The following ZNF318 variants were observed in gnomAD, a reference collection of about 807,000 sequenced individuals.
ZNF318 encodes zinc finger protein 318, also known as endocrine regulator.
In ZNF318, 51 loss-of-function variants were observed where a neutral mutation model predicts 124.2. That is an observed-to-expected ratio of 0.41 (90% CI 0.33 to 0.52). The LOEUF (loss-of-function observed/expected upper bound fraction) is 0.52. ZNF318 is among the 20% of genes least tolerant of loss of function. The pLI, the probability that ZNF318 is intolerant of heterozygous loss-of-function variation, is 0.23. For missense variants in ZNF318, 2,815 were observed against 2,811.2 expected (o/e 1.00, Z -0.03); for synonymous variants, 1,090 against 1,040.7 (o/e 1.05, Z -0.91).
chr6:43,368,969 G>T lies in ZNF318; in HGVS notation c.397C>A (p.Arg133=), dbSNP rs1779797345. The T allele has an allele frequency of 7.1e-7, 1 of 1,415,622 alleles. No homozygotes were observed. The highest frequency in any genetic ancestry group is 1.5e-5 in the African/African-American group (1 of 67,512). 87.7% of individuals were successfully genotyped at this position (1,415,622 alleles called of 1,614,324 possible). The change falls in exon 1 of 10, where the codon CGG becomes AGG. Residue 133 remains arginine (R), a splice_region_variant and synonymous_variant. Transcript: ENST00000361428. ...TCCTGGACGAGGGGTGGGATTACCC[G>T]GCTGCCGCTGTCGCCTGGATGGTCT... ...RGDHPGDSGS[R]RRSPGLCSDS...
Position 43,355,237 on chromosome 6 carries a change from A to C in ZNF318, c.2097T>G (p.Pro699=). 1 of 1,614,190 alleles carries C rather than the reference A, an allele frequency of 6.2e-7. No homozygotes were observed. Among genetic ancestry groups the C allele is most frequent in the Non-Finnish European group, 8.5e-7 (1 of 1,180,020 alleles). ...PEVSHPHPPS[P]VDPYLLTKNS... is the part of the protein sequence containing the mutation. ...TTTTTGTGAGCAGGTAAGGATCCACAGGAGAAGGTGGGTGTGGATGGGACA... is the reference window on the plus strand; with the variant it reads ...TTTTTGTGAGCAGGTAAGGATCCACCGGAGAAGGTGGGTGTGGATGGGACA... The change falls in exon 4 of 10, where the codon CCT becomes CCG. Residue 699 remains proline, a synonymous_variant. Coordinates refer to ENST00000361428, the MANE Select transcript of ZNF318 (RefSeq NM_014345.3).
chr6:43,338,494 G>C lies in ZNF318; in HGVS notation c.5504C>G (p.Ala1835Gly), dbSNP rs762433950. 2 of 1,614,036 alleles carry C rather than the reference G, an allele frequency of 1.2e-6. No individual in the cohort carries two copies. Among genetic ancestry groups the C allele is most frequent in the Non-Finnish European group, 1.7e-6 (2 of 1,180,038 alleles). ...QPNLLMIDKE[A>G]EQSNKLMTGS... ...TGTCATCAATTTATTGGACTGTTCA[G>C]CCTCTTTGTCAATCATTAGCAAGTT... is the stretch of plus-strand genomic sequence containing the variant. Residue 1835 changes from alanine (A) to glycine (G), a missense_variant, in exon 10 of 10, where the codon GCT (alanine) becomes GGT (glycine). By Grantham distance (60) the Ala-to-Gly change is moderately conservative (BLOSUM62 0). Around this residue, in one of 4 missense-constraint regions of ZNF318, gnomAD observed 927 missense variants for 820.6 expected, o/e 1.13. Coordinates refer to ENST00000361428, the MANE Select transcript of ZNF318 (RefSeq NM_014345.3).
Position 43,357,338 on chromosome 6 carries a change from C to T in ZNF318, c.976G>A (p.Glu326Lys). 1.2e-6 allele frequency: 2 copies of T among 1,614,216 alleles called. No homozygotes were observed. Among genetic ancestry groups the T allele is most frequent in the Non-Finnish European group, 1.7e-6 (2 of 1,180,036 alleles). The stretch of plus-strand genomic sequence containing the variant: ...CTCCTACTTCGCTCCTCCTCTTCCT[C>T]TCGCTTTCGTCTGGCAAGATCCAGT... The part of the protein sequence containing the change: ...RELDLARRKR[E>K]EEEERSRSLS... Residue 326 changes from glutamate (E) to lysine (K), a missense_variant, in exon 3 of 10, where the codon GAG becomes AAG. Coordinates refer to ENST00000361428, the MANE Select transcript of ZNF318 (RefSeq NM_014345.3).
chr6:43,365,518 C>T, intron 1 of ZNF318, 78 bp from the exon 2 acceptor site: 1 of 1,476,428 alleles, frequency 6.8e-7, no homozygotes, highest in South Asian at 1.2e-5. Context: ...TCCCTAGTTA[C>T]AAAGTTAGCC....
chr6:43,365,324 C>A lies in ZNF318; in HGVS notation c.516G>T (p.Gly172=), dbSNP rs1255705058. 1.2e-6 allele frequency: 2 copies of A among 1,614,012 alleles called. No homozygotes were observed. Among genetic ancestry groups the A allele is most frequent in the Non-Finnish European group, 1.7e-6 (2 of 1,179,998 alleles). The change falls in exon 2 of 10, where the codon GGG becomes GGT. Residue 172 remains glycine (G), a synonymous_variant. Transcript: ENST00000361428. ...PERRRLSDRL[G]SPVDNLEDMD... ...TGTCTTCCAGATTATCCACTGGTGA[C>A]CCCAGCCGATCACTAAGCCGTCGCC...
Position 43,340,101 on chromosome 6 carries a change from C to T in ZNF318, c.3897G>A (p.Glu1299=). The stretch of plus-strand genomic sequence containing the variant: ...CTTTGTCCTTACTACTTTCTAGAAT[C>T]TCTTCTTTAGAGATACTTGGGGTCA... The part of the protein sequence containing the change: ...SLVTPSISKE[E]ILESSKDKED... The change falls in exon 10 of 10, where the codon GAG becomes GAA. Residue 1299 remains glutamate (E), a synonymous_variant. Coordinates refer to ENST00000361428, the MANE Select transcript of ZNF318 (RefSeq NM_014345.3). 2 of 1,614,176 alleles carry T rather than the reference C, an allele frequency of 1.2e-6. No individual in the cohort carries two copies. The highest frequency in any genetic ancestry group is 1.7e-6 in the Non-Finnish European group (2 of 1,180,022).
chr6:43,361,322 G>A (rs192141110), intron 2 of ZNF318, among the ~76,000 whole-genome samples: 1 of 152,182 alleles, frequency 6.6e-6, no homozygotes, highest in East Asian at 1.9e-4. Context: ...CTTAGCACTT[G>A]GAGAGGCCAG....
rs766269486 is a variant in ZNF318, at chr6:43,354,735, T to C, written c.2599A>G (p.Ile867Val). 6 of 1,614,004 alleles carry C rather than the reference T, an allele frequency of 3.7e-6. No individual in the cohort carries two copies. In the East Asian group the frequency reaches 6.7e-5, roughly 18 times the overall value. Reference protein sequence around the residue: ...PAAQVPVQVSIPSLIRYNPEK... With the variant: ...PAAQVPVQVSVPSLIRYNPEK... ...GGATTATATCTTATGAGTGATGGAA[T>C]GGACACCTGGACAGGCACTTGGGCC... is the stretch of plus-strand genomic sequence containing the variant. Residue 867 changes from isoleucine to valine, a missense_variant, in exon 4 of 10, where the codon ATT becomes GTT. By Grantham distance (29) the Ile-to-Val change is conservative. Transcript: ENST00000361428.
chr6:43,354,741 C>T lies in ZNF318; in HGVS notation c.2593G>A (p.Val865Met). The part of the protein sequence containing the change: ...SIPAAQVPVQ[V>M]SIPSLIRYNP... ...TATCTTATGAGTGATGGAATGGACA[C>T]CTGGACAGGCACTTGGGCCGCAGGA... The change falls in exon 4 of 10, where the codon GTG (valine) becomes ATG (methionine). Residue 865 changes from valine (V) to methionine (M), a missense_variant. Physicochemically the swap from Val to Met is conservative, Grantham distance 21. Transcript: ENST00000361428. 2 of 1,614,108 alleles carry T rather than the reference C, an allele frequency of 1.2e-6. No homozygotes were observed. Among genetic ancestry groups the T allele is most frequent in the Admixed American group, 3.3e-5 (2 of 60,022 alleles).
intron 5 of ZNF318, among the ~76,000 whole-genome samples, chr6:43,349,386 C>CTTTT (rs369338217): frequency 1.6e-5 from 2 of 124,176 alleles, no homozygotes; most frequent in Non-Finnish European, 3.5e-5. Context: ...TCTGGTTTAT[C>CTTTT]TTTTTTTTTT....
chr6:43,364,592 T>TGA (rs1485041400), intron 2 of ZNF318, among the ~76,000 whole-genome samples: 1 of 152,238 alleles, frequency 6.6e-6, no homozygotes, highest in Non-Finnish European at 1.5e-5. Context: ...GTCTCAGCTC[T>TGA]GAGAAAGAGT....
Position 43,352,382 on chromosome 6 carries a change from T to C in ZNF318, c.2765A>G (p.Gln922Arg). Residue 922 changes from glutamine (Q) to arginine (R), a missense_variant, in exon 5 of 10, where the codon CAA becomes CGA. Transcript: ENST00000361428. ...LRTELERLHK[Q>R]QGEMLRKKRR... ...TCATGCAAAGCAGCTGATACCTTGT[T>C]GTTTATGAAGCCGCTCTAACTCGGT... 1 of 1,614,038 alleles carries C rather than the reference T, an allele frequency of 6.2e-7. No individual in the cohort carries two copies. The highest frequency in any genetic ancestry group is 1.1e-5 in the South Asian group (1 of 91,072).
At chr6:43,347,373 G>A (rs1779461680) in intron 6 of ZNF318, among the ~76,000 whole-genome samples, 1 of 152,200 alleles carries the variant, frequency 6.6e-6, no homozygotes, top group African/African-American at 2.4e-5. Context: ...ATGTGGCTTG[G>A]ACTTGAATGT....
At chr6:43,348,276 G>A (rs778109402) in intron 6 of ZNF318, 48 bp downstream of exon 6, 4 of 1,545,422 alleles carry the variant, frequency 2.6e-6, no homozygotes, top group South Asian at 2.5e-5. Context: ...AACCATAGGA[G>A]TCTAAGGGAA....
At chr6:43,361,969 AAC>A (rs1269598163) in intron 2 of ZNF318, among the ~76,000 whole-genome samples, 1 of 151,912 alleles carries the variant, frequency 6.6e-6, no homozygotes, top group Non-Finnish European at 1.5e-5. Flanking sequence ...CAGCCTAGGC[AAC>A]ACAGTGAGAA....
In ZNF318 at chr6:43,355,965, G is replaced by C. The variant is rs1779602981; in HGVS notation, c.1369C>G (p.Pro457Ala). ...QGNLYQWGPL[P>A]GIPKDNSPLR... ...GGACTGTTGTCTTTGGGAATCCCAG[G>C]AAGGGGACCCCATTGGTAGAGGTTG... is the stretch of plus-strand genomic sequence containing the variant. Residue 457 changes from proline (P) to alanine (A), a missense_variant, in exon 4 of 10, where the codon CCT becomes GCT. Physicochemically the swap from Pro to Ala is conservative, Grantham distance 27 (BLOSUM62 -1). Coordinates refer to ENST00000361428, the MANE Select transcript of ZNF318 (RefSeq NM_014345.3). 6.2e-7 allele frequency: 1 copy of C among 1,614,080 alleles called. No homozygotes were observed. The highest frequency in any genetic ancestry group is 1.7e-5 in the Admixed American group (1 of 60,004).
At chr6:43,346,244 C>T (rs1379933484) in intron 6 of ZNF318, among the ~76,000 whole-genome samples, 2 of 147,700 alleles carry the variant, frequency 1.4e-5, no homozygotes, top group African/African-American at 2.5e-5. Flanking sequence ...GTAATCCTAG[C>T]CCTTTGGGAG....
intron 1 of ZNF318, among the ~76,000 whole-genome samples, chr6:43,368,472 C>G (rs1435029858): frequency 1.3e-5 from 2 of 152,192 alleles, no homozygotes; most frequent in African/African-American, 4.8e-5. Context: ...AGCAGCAGCT[C>G]CAATTCATTT....
Position 43,355,119 on chromosome 6 carries a change from T to C in ZNF318, c.2215A>G (p.Arg739Gly). The C allele has an allele frequency of 1.2e-6, 2 of 1,614,218 alleles. No homozygotes were observed. The highest frequency in any genetic ancestry group is 1.7e-6 in the Non-Finnish European group (2 of 1,180,034). ...GATGGGGCTGATGGCAACATGCACC[T>C]GACTGCAACAGATGACTGAAACCCA... ...GSGFQSSVAV[R>G]CMLPSAPSAP... The change falls in exon 4 of 10, where the codon AGG (arginine) becomes GGG (glycine). Residue 739 changes from arginine (R) to glycine (G), a missense_variant. Arg to Gly is a moderately radical substitution (Grantham distance 125). Transcript: ENST00000361428.
Sources: gnomAD v4.1 joint callset for allele counts (sites outside exome capture counted in the v4.1 genomes callset) on GRCh38, gnomAD v4.1.1 for gene constraint, gnomAD v4.1.1 regional missense constraint, MANE v1.5 for transcripts, NCBI Gene and HGNC (gene_info 2026-07-23, HGNC 2026-07-21) for gene names.